Variants in LMF1 observed in about 807,000 individuals in gnomAD.
LMF1 encodes the protein transmembrane protein 112.
Under a neutral mutation model 60.6 loss-of-function variants are expected in LMF1, and 68 were observed. The ratio of observed to expected loss-of-function variants is 1.12; its 90% CI spans 0.92 to 1.37. LMF1 has a LOEUF of 1.37. LMF1 is among the 40% of genes most tolerant of loss of function. The pLI is 0.00. For synonymous variants in LMF1, 418 were observed against 324.7 expected, an observed-to-expected ratio of 1.29 and a Z score of -3.09; for missense variants, 948 against 767.2, an observed-to-expected ratio of 1.24 and a Z score of -2.78.
At chr16:913,556 C>G (rs1469834803) in intron 3 of LMF1, among the ~76,000 whole-genome samples, 1 of 152,212 alleles carries the variant, frequency 6.6e-6, no homozygotes, top group Non-Finnish European at 1.5e-5. Flanking sequence ...GCCCCAGCAC[C>G]CAGGCACAGC....
At chr16:854,809 C>G in intron 10 of LMF1, 103 bp from the exon 11 acceptor site, 1 of 1,096,644 alleles carries the variant, frequency 9.1e-7, no homozygotes, top group Non-Finnish European at 1.3e-6. Context: ...GGGTCCCCCA[C>G]GGACAGAGGG....
At chr16:882,008 G>A (rs974869486) in intron 5 of LMF1, among the ~76,000 whole-genome samples, 3 of 152,312 alleles carry the variant, frequency 2.0e-5, no homozygotes, top group African/African-American at 4.8e-5. Context: ...AATCACAAGC[G>A]TCCCCGTGGG....
chr16:893,206 G>A, intron 4 of LMF1, 134 bp from the exon 5 acceptor site: 1 of 761,832 alleles, frequency 1.3e-6, no homozygotes, highest in Admixed American at 2.0e-5. Context: ...GTGAGGGAGG[G>A]GACCTTACGT....
At chr16:928,382 A>C (rs994465940) in intron 3 of LMF1, among the ~76,000 whole-genome samples, 8 of 152,284 alleles carry the variant, frequency 5.3e-5, no homozygotes, top group Admixed American at 3.3e-4. Flanking sequence ...AGGATAAACC[A>C]ACCATTCATC....
chr16:954,958 C>CACACA lies in LMF1; in HGVS notation c.194-293_194-292insTGTGT, dbSNP rs1567316311. On this transcript the variant is annotated intron_variant, in intron 1 of 10. Transcript: ENST00000262301. The stretch of plus-strand genomic sequence containing the variant: ...CCCGCAGCAGACGCGGTGTGTGCAT[C>CACACA]CACACACACACATATCTAAGTGAAC... Among the ~76,000 whole-genome samples, 285 of 59,712 alleles carry CACACA rather than the reference C, an allele frequency of 4.8e-3. 10 individuals are homozygous for CACACA. The highest frequency in any genetic ancestry group is 9.7e-3 in the African/African-American group (124 of 12,752). 39.2% of individuals were successfully genotyped at this position (59,712 alleles called of 152,430 possible).
chr16:931,862 T>G (rs2071796478), intron 3 of LMF1: 1 of 1,220,378 alleles, frequency 8.2e-7, no homozygotes, highest in Admixed American at 2.4e-5. Context: ...TTAACATTAA[T>G]GAGTCAACAA....
chr16:963,640 GC>G (rs34446194), intron 1 of LMF1, among the ~76,000 whole-genome samples: 1 of 152,092 alleles, frequency 6.6e-6, no homozygotes, highest in African/African-American at 2.4e-5. Flanking sequence ...CTAGGCTGGG[GC>G]CCCTTTCCCA....
chr16:859,887 T>G (rs1285968721), intron 10 of LMF1, among the ~76,000 whole-genome samples: 10 of 127,008 alleles, frequency 7.9e-5, no homozygotes, highest in African/African-American at 3.6e-4. Flanking sequence ...TGGGTGTGAG[T>G]GGTGTCTCGG....
intron 3 of LMF1, among the ~76,000 whole-genome samples, chr16:929,869 T>C (rs1352869203): frequency 1.3e-5 from 2 of 152,118 alleles, no homozygotes; most frequent in Non-Finnish European, 2.9e-5. Flanking sequence ...CGCACGGCCC[T>C]GGGACACAGA....
At chr16:887,053 T>G (rs2070329305) in intron 5 of LMF1, 1 of 152,022 alleles carries the variant, frequency 6.6e-6, no homozygotes, top group Non-Finnish European at 1.5e-5. Flanking sequence ...ATTTACAGTC[T>G]TCACGGGCGA....
intron 1 of LMF1, among the ~76,000 whole-genome samples, chr16:958,253 A>G (rs2072748362): frequency 6.6e-6 from 1 of 152,258 alleles, no homozygotes; most frequent in Non-Finnish European, 1.5e-5. Context: ...GAACTTTATC[A>G]AACTGAAAAA....
intron 3 of LMF1, among the ~76,000 whole-genome samples, chr16:922,349 C>T (rs947944783): frequency 5.3e-5 from 8 of 152,328 alleles, no homozygotes; most frequent in African/African-American, 1.9e-4. Context: ...CACCCCCAGC[C>T]CACAGCGACT....
Position 871,286 on chromosome 16 carries a change from G to A in LMF1, c.953C>T (p.Pro318Leu). The stretch of plus-strand genomic sequence containing the variant: ...GGCGTCATCAAAGCAGGCCAGGCTG[G>A]GCACCATAGTCAGCCAGTTCAGGAA... ...LSFLNWLTMV[P>L]SLACFDDATL... Residue 318 changes from proline (P) to leucine (L), a missense_variant, in exon 7 of 11, where the codon CCC (proline) becomes CTC (leucine). Pro to Leu is a moderately conservative substitution (Grantham distance 98). Transcript: ENST00000262301. 1 of 1,612,578 alleles carries A rather than the reference G, an allele frequency of 6.2e-7. No homozygotes were observed. Among genetic ancestry groups the A allele is most frequent in the Non-Finnish European group, 8.5e-7 (1 of 1,179,826 alleles).
intron 6 of LMF1, 185 bp from the exon 7 acceptor site, chr16:871,526 C>G (rs2069793259): frequency 1.6e-6 from 1 of 614,800 alleles, no homozygotes; most frequent in Admixed American, 3.0e-5. Context: ...CAGCAGATGC[C>G]TCAGAGGTGC....
chr16:884,490 T>C (rs922779827), intron 5 of LMF1, among the ~76,000 whole-genome samples: 1 of 135,874 alleles, frequency 7.4e-6, no homozygotes, highest in African/African-American at 3.2e-5. Context: ...AATAAAGACT[T>C]TGTCAGACAT....
At chr16:934,523 G>A (rs534188877) in intron 2 of LMF1, 17 of 484,354 alleles carry the variant, frequency 3.5e-5, no homozygotes, top group Non-Finnish European at 6.0e-5. Flanking sequence ...TGTATTTTGC[G>A]AATGAGTGAA....
chr16:973,060 A>C (rs1467183719), upstream of LMF1, among the ~76,000 whole-genome samples: 1 of 152,196 alleles, frequency 6.6e-6, no homozygotes, highest in Non-Finnish European at 1.5e-5. Context: ...TCAGCCATCA[A>C]AAAGAATCCA....
chr16:954,094 C>G, intron 2 of LMF1: 2 of 581,314 alleles, frequency 3.4e-6, no homozygotes, highest in Admixed American at 4.4e-5. Flanking sequence ...TTCCCCATCC[C>G]TCTGGCTCCA....
intron 10 of LMF1, among the ~76,000 whole-genome samples, chr16:856,568 C>T (rs1488185702): frequency 2.0e-5 from 3 of 152,334 alleles, no homozygotes; most frequent in Non-Finnish European, 4.4e-5. Flanking sequence ...CCTGCTCTTG[C>T]TTTCTGCTCC....
Sources: gnomAD v4.1 joint callset for allele counts (sites outside exome capture counted in the v4.1 genomes callset) on GRCh38, gnomAD v4.1.1 for gene constraint, MANE v1.5 for transcripts, NCBI Gene and HGNC (gene_info 2026-07-23, HGNC 2026-07-21) for gene names.